Variants in NPAS3 observed in about 807,000 individuals in gnomAD.
NPAS3 encodes neuronal PAS domain protein 3.
Under a neutral mutation model 73.1 loss-of-function variants are expected in NPAS3, and 14 were observed. The ratio of observed to expected loss-of-function variants is 0.19; its 90% confidence interval spans 0.13 to 0.30. The LOEUF (loss-of-function observed/expected upper bound fraction) is 0.30. Among genes scored for constraint, NPAS3 ranks in the 10% least tolerant of loss-of-function variants. The pLI is 1.00. For missense variants in NPAS3, 1,096 were observed against 1,250.0 expected, an observed-to-expected ratio of 0.88 and a Z score of 1.86; for synonymous variants, 620 against 541.5, an observed-to-expected ratio of 1.14 and a Z score of -2.01.
At chr14:33,084,920 G>T (rs1206405819) in intron 2 of NPAS3, among the ~76,000 whole-genome samples, 1 of 152,156 alleles carries the variant, frequency 6.6e-6, no homozygotes, top group Non-Finnish European at 1.5e-5. Flanking sequence ...TTATTTTAAT[G>T]GGGATGTTTT....
chr14:32,940,168 A>T (rs1566782442), intron 1 of NPAS3, among the ~76,000 whole-genome samples: 1 of 152,268 alleles, frequency 6.6e-6, no homozygotes, highest in Non-Finnish European at 1.5e-5. Flanking sequence ...CCCGTTAGTT[A>T]CTGTTTGGGG....
intron 7 of NPAS3, among the ~76,000 whole-genome samples, chr14:33,772,664 G>A (rs573574888): frequency 6.6e-6 from 1 of 152,290 alleles, no homozygotes; most frequent in South Asian, 2.1e-4. Flanking sequence ...AGGAGGACCA[G>A]CGACTGTTAA....
chr14:33,542,258 G>T (rs1194500072), intron 4 of NPAS3, among the ~76,000 whole-genome samples: 1 of 152,178 alleles, frequency 6.6e-6, no homozygotes, highest in East Asian at 1.9e-4. Flanking sequence ...CTCGCCAGCA[G>T]TATAGGTCTG....
intron 4 of NPAS3, among the ~76,000 whole-genome samples, chr14:33,421,991 G>A (rs546597536): frequency 6.6e-6 from 1 of 152,006 alleles, no homozygotes; most frequent in South Asian, 2.1e-4. Context: ...TTTGTAGTTG[G>A]CTTTTCATTC....
intron 3 of NPAS3, among the ~76,000 whole-genome samples, chr14:33,225,777 A>G (rs2047608525): frequency 6.6e-6 from 1 of 152,176 alleles, no homozygotes; most frequent in African/African-American, 2.4e-5. Context: ...CATGCATGCC[A>G]TAGATAGCCA....
intron 5 of NPAS3, among the ~76,000 whole-genome samples, chr14:33,643,047 CAT>C (rs2058717971): frequency 6.6e-6 from 1 of 152,110 alleles, no homozygotes; most frequent in Non-Finnish European, 1.5e-5. Context: ...ATCATCTCAT[CAT>C]ATATAGATCA....
At chr14:33,493,087 C>A (rs1198195802) in intron 4 of NPAS3, among the ~76,000 whole-genome samples, 1 of 152,108 alleles carries the variant, frequency 6.6e-6, no homozygotes, top group Admixed American at 6.6e-5. Flanking sequence ...GAGCTTTGTG[C>A]GCAAAAACCA....
rs530359956 is a variant in NPAS3, at chr14:32,966,583, A to C, written c.50+27217A>C. Among the ~76,000 whole-genome samples the C allele has an allele frequency of 2.9e-5, 4 of 135,758 alleles. No homozygotes were observed. The East Asian group carries it at 7.7e-4, about 26-fold the overall frequency. 89.1% of individuals were successfully genotyped at this position (135,758 alleles called of 152,430 possible). A position where few individuals can be genotyped will look rare whatever the true frequency, so the allele number is the denominator to read the frequency against. Reference sequence around the variant, plus strand: ...ATTAAAGACTTACACGTAAGAACCCAAATTATGAAACCCCGTCTCTACTAA... The same window carrying C: ...ATTAAAGACTTACACGTAAGAACCCCAATTATGAAACCCCGTCTCTACTAA... On this transcript the variant is annotated intron_variant, in intron 1 of 11. Transcript: ENST00000356141.
At chr14:33,757,001 G>A (rs1358611429) in intron 7 of NPAS3, among the ~76,000 whole-genome samples, 1 of 152,178 alleles carries the variant, frequency 6.6e-6, no homozygotes, top group East Asian at 1.9e-4. Flanking sequence ...ACTGATGGTG[G>A]GGCATGGGGA....
intron 3 of NPAS3, among the ~76,000 whole-genome samples, chr14:33,281,081 C>T (rs542725416): frequency 4.1e-4 from 63 of 152,272 alleles, no homozygotes; most frequent in Admixed American, 1.4e-3. Context: ...CCTCTTCTTA[C>T]GGTAGTGAAG....
At chr14:33,792,198 T>A (rs2138624105) in intron 9 of NPAS3, among the ~76,000 whole-genome samples, 1 of 152,200 alleles carries the variant, frequency 6.6e-6, no homozygotes, top group East Asian at 1.9e-4. Flanking sequence ...TACAATTGCC[T>A]ACAAAAGGAG....
intron 4 of NPAS3, among the ~76,000 whole-genome samples, chr14:33,459,873 C>A (rs1226855353): frequency 8.3e-6 from 1 of 120,082 alleles, no homozygotes; most frequent in African/African-American, 3.5e-5. Context: ...AATCCGTTCT[C>A]TTCTCTTTCT....
intron 5 of NPAS3, among the ~76,000 whole-genome samples, chr14:33,599,060 G>T (rs550567194): frequency 1.6e-4 from 24 of 152,166 alleles, no homozygotes; most frequent in African/African-American, 5.1e-4. Flanking sequence ...CTCTTATTAG[G>T]CACATGTTTT....
At chr14:33,784,735 T>TA in intron 9 of NPAS3, among the ~76,000 whole-genome samples, 4 of 106,170 alleles carry the variant, frequency 3.8e-5, no homozygotes, top group African/African-American at 2.0e-4. Flanking sequence ...ATTTATTTAT[T>TA]TATTTATTTA....
At chr14:33,323,808 T>C (rs763556109) in intron 3 of NPAS3, among the ~76,000 whole-genome samples, 1 of 152,240 alleles carries the variant, frequency 6.6e-6, no homozygotes, top group Non-Finnish European at 1.5e-5. Flanking sequence ...AAAATTGCTA[T>C]AGCTTAATAA....
chr14:33,496,426 G>GAT (rs1298496083), intron 4 of NPAS3, among the ~76,000 whole-genome samples: 1 of 152,084 alleles, frequency 6.6e-6, no homozygotes, highest in African/African-American at 2.4e-5. Flanking sequence ...AAATATCCCT[G>GAT]ATGAACATCA....
intron 6 of NPAS3, among the ~76,000 whole-genome samples, chr14:33,693,888 A>G (rs967817601): frequency 1.3e-5 from 2 of 152,114 alleles, no homozygotes; most frequent in African/African-American, 4.8e-5. Flanking sequence ...TTTGTTCTTC[A>G]TCATAATTAT....
Position 33,022,888 on chromosome 14 carries a change from T to C in NPAS3, c.51-33017T>C, listed in dbSNP as rs958332362. 6.6e-5 allele frequency among the ~76,000 whole-genome samples: 10 copies of C among 152,220 alleles called. No homozygotes were observed. The East Asian group carries it at 1.9e-3, about 29-fold the overall frequency. Reference sequence around the variant, plus strand: ...TGTAAGTTTTTGTTCTGTGGTTGCTTTACAGTGAGTTGCTGTGCTTTAGTC... The same window carrying C: ...TGTAAGTTTTTGTTCTGTGGTTGCTCTACAGTGAGTTGCTGTGCTTTAGTC... On this transcript the variant is annotated intron_variant, in intron 1 of 11. Transcript: ENST00000356141.
intron 3 of NPAS3, among the ~76,000 whole-genome samples, chr14:33,358,781 T>C (rs2045460053): frequency 1.3e-5 from 2 of 152,242 alleles, no homozygotes; most frequent in Non-Finnish European, 2.9e-5. Context: ...GTGGATACTT[T>C]TAGCTTTCTT....
Sources: allele counts gnomAD v4.1 joint callset (sites outside exome capture counted in the v4.1 genomes callset), GRCh38; gene constraint gnomAD v4.1.1; transcripts MANE v1.5; gene names NCBI Gene and HGNC (gene_info 2026-07-23, HGNC 2026-07-21).